Variants in ACSM3 observed in about 807,000 individuals in gnomAD.
The protein encoded by ACSM3 is acyl-CoA synthetase medium chain family member 3.
In ACSM3, 61 loss-of-function variants were observed where a neutral mutation model predicts 74.1. The observed-to-expected ratio is 0.82, with a 90% CI of 0.67 to 1.02. The LOEUF is 1.02. Among genes scored for constraint, ACSM3 ranks in the 50% least tolerant of loss-of-function variants. ACSM3 has a pLI of 0.00. For missense variants in ACSM3, 660 were observed against 697.0 expected, an observed-to-expected ratio of 0.95 and a Z score of 0.60; for synonymous variants, 213 against 241.5, an observed-to-expected ratio of 0.88 and a Z score of 1.09.
chr16:20,705,386 A>AC (rs2079724299), intron 1 of ACSM3, among the ~76,000 whole-genome samples: 1 of 151,978 alleles, frequency 6.6e-6, no homozygotes, highest in Non-Finnish European at 1.5e-5. Flanking sequence ...AAAAAAAAAA[A>AC]AAACAACTTC....
chr16:20,776,942 G>A (rs2080263104), intron 3 of ACSM3, among the ~76,000 whole-genome samples: 1 of 152,196 alleles, frequency 6.6e-6, no homozygotes, highest in Non-Finnish European at 1.5e-5. Context: ...TCAGGCTACA[G>A]GGTTCAATCC....
rs80100519 is a variant in ACSM3, at chr16:20,787,055, C to G, written c.1224+897C>G. 6.6e-3 allele frequency among the ~76,000 whole-genome samples: 1,011 copies of G among 152,310 alleles called. 18 individuals are homozygous for G. Among genetic ancestry groups the G allele is most frequent in the African/African-American group, 0.023 (951 of 41,574 alleles). The stretch of plus-strand genomic sequence containing the variant: ...TACCACCTGATGCCTAGGGGGAATT[C>G]CAGTTCCCCATCAGCAAGCTTTATA... On this transcript the variant is annotated intron_variant, in intron 9 of 13. Coordinates refer to ENST00000289416, the MANE Select transcript of ACSM3 (RefSeq NM_005622.4).
chr16:20,791,380 G>C (rs2080593470), intron 10 of ACSM3, among the ~76,000 whole-genome samples: 1 of 152,096 alleles, frequency 6.6e-6, no homozygotes, highest in Non-Finnish European at 1.5e-5. Flanking sequence ...TTTCCTACCA[G>C]CATTATCTAT....
At chr16:20,749,910 G>A (rs1190066698) in exon 2 of ACSM3, 1 of 152,378 alleles carries the variant, frequency 6.6e-6, no homozygotes, top group African/African-American at 2.4e-5. Context: ...TCTATTCCAG[G>A]TGTCAGAGCC....
chr16:20,715,678 A>G (rs1258603562), intron 1 of ACSM3, among the ~76,000 whole-genome samples: 1 of 152,242 alleles, frequency 6.6e-6, no homozygotes, highest in Admixed American at 6.5e-5. Flanking sequence ...TTCATCATCA[A>G]GATGAATTAA....
chr16:20,720,372 G>A (rs1237119640), intron 1 of ACSM3, among the ~76,000 whole-genome samples: 1 of 152,212 alleles, frequency 6.6e-6, no homozygotes, highest in African/African-American at 2.4e-5. Flanking sequence ...TAAGGAGCCT[G>A]CAACCTAGAT....
At chr16:20,754,974 C>T (rs539351520) in intron 2 of ACSM3, among the ~76,000 whole-genome samples, 27 of 152,072 alleles carry the variant, frequency 1.8e-4, no homozygotes, top group Non-Finnish European at 3.2e-4. Flanking sequence ...ATTATTGTGA[C>T]GAAGGCTGGG....
intron 1 of ACSM3, chr16:20,691,075 T>C: frequency 2.5e-6 from 4 of 1,613,804 alleles, no homozygotes; most frequent in Non-Finnish European, 3.4e-6. Flanking sequence ...CATTCCATCT[T>C]GGGGCTCCAA....
Position 20,690,265 on chromosome 16 carries a change from A to G in ACSM3, c.-190+15443A>G, listed in dbSNP as rs2079629658. On this transcript the variant is annotated intron_variant, in intron 1 of 3. Coordinates refer to the ACSM3 transcript ENST00000561584. ...AAGACAGTGCTGGGTGACTTTTTAC[A>G]CTACCATATTGGCAGCTGGGAGTTA... Among the ~76,000 whole-genome samples the G allele has an allele frequency of 3.9e-5, 6 of 152,196 alleles. No homozygotes were observed. In the South Asian group the frequency reaches 1.2e-3, roughly 32 times the overall value.
chr16:20,791,599 G>A (rs2080598757), intron 10 of ACSM3, among the ~76,000 whole-genome samples: 1 of 152,048 alleles, frequency 6.6e-6, no homozygotes, highest in Non-Finnish European at 1.5e-5. Flanking sequence ...CTTCTCAAAG[G>A]AGCCAAACTT....
chr16:20,739,238 C>G (rs1282260051), intron 1 of ACSM3, among the ~76,000 whole-genome samples: 1 of 150,978 alleles, frequency 6.6e-6, no homozygotes, highest in Non-Finnish European at 1.5e-5. Flanking sequence ...TGCAGTGGTG[C>G]GATCTTGACT....
At chr16:20,769,927 G>A in intron 1 of ACSM3, 57 bp from the exon 2 acceptor site, 1 of 1,047,690 alleles carries the variant, frequency 9.5e-7, no homozygotes. Flanking sequence ...AGCCACTTTG[G>A]GGTATGGCTA....
At chr16:20,719,845 G>A (rs531768029) in intron 1 of ACSM3, among the ~76,000 whole-genome samples, 1 of 152,276 alleles carries the variant, frequency 6.6e-6, no homozygotes, top group South Asian at 2.1e-4. Flanking sequence ...TTCTCAGAAC[G>A]TAATACTCTT....
At chr16:20,701,437 T>C (rs955022915) in intron 1 of ACSM3, among the ~76,000 whole-genome samples, 2 of 152,170 alleles carry the variant, frequency 1.3e-5, no homozygotes, top group African/African-American at 4.8e-5. Flanking sequence ...CACTTGACAA[T>C]GTCTACCATA....
intron 1 of ACSM3, among the ~76,000 whole-genome samples, chr16:20,689,840 T>C (rs16970542): frequency 0.01 from 1,535 of 152,264 alleles, 22 homozygotes; most frequent in African/African-American, 0.035. Context: ...CATCATCAGA[T>C]TGGGAGACTA....
chr16:20,729,486 T>C (rs1567326341), intron 1 of ACSM3: 3 of 646,088 alleles, frequency 4.6e-6, no homozygotes. Flanking sequence ...GTGGAGAGTG[T>C]GCTTGCTGAG....
intron 1 of ACSM3, among the ~76,000 whole-genome samples, chr16:20,684,853 TTGTG>T (rs529798511): frequency 2.6e-5 from 4 of 151,278 alleles, no homozygotes; most frequent in Non-Finnish European, 4.4e-5. Flanking sequence ...GTATGTGTGT[TTGTG>T]TGTGTGTGTG....
At chr16:20,698,062 T>C (rs1258579272) in intron 1 of ACSM3, among the ~76,000 whole-genome samples, 1 of 150,404 alleles carries the variant, frequency 6.6e-6, no homozygotes, top group Non-Finnish European at 1.5e-5. Context: ...GGTGTGGTGG[T>C]GGGCGCCTGT....
intron 1 of ACSM3, chr16:20,685,540 A>G: frequency 1.2e-6 from 1 of 803,776 alleles, no homozygotes. Flanking sequence ...ACATTTATAC[A>G]GCCAGGCGCA....
Sources: allele counts gnomAD v4.1 joint callset (sites outside exome capture counted in the v4.1 genomes callset), GRCh38; gene constraint gnomAD v4.1.1; transcripts MANE v1.5; gene names NCBI Gene and HGNC (gene_info 2026-07-23, HGNC 2026-07-21).